The following CNTLN variants were observed in gnomAD, a reference collection of about 807,000 sequenced individuals.
CNTLN encodes the protein centlein, centrosomal protein.
In CNTLN, 212 loss-of-function variants were observed where a neutral mutation model predicts 180.0. The observed-to-expected ratio is 1.18, with a 90% CI of 1.05 to 1.32. The LOEUF (loss-of-function observed/expected upper bound fraction) is 1.32. CNTLN is among the 40% of genes most tolerant of loss of function. The pLI is 0.00. For missense variants in CNTLN, 2,095 were observed against 1,610.9 expected (o/e 1.30, Z -5.14); for synonymous variants, 722 against 563.1 (o/e 1.28, Z -3.99).
At chr9:17,222,756 T>G (rs1824226415) in intron 2 of CNTLN, among the ~76,000 whole-genome samples, 1 of 152,074 alleles carries the variant, frequency 6.6e-6, no homozygotes, top group Admixed American at 6.6e-5. Flanking sequence ...TTTGCAGCAT[T>G]TGGTATACTT....
intron 2 of CNTLN, among the ~76,000 whole-genome samples, chr9:17,172,848 C>A (rs773022684): frequency 2.2e-4 from 34 of 152,176 alleles, no homozygotes; most frequent in Non-Finnish European, 4.4e-4. Flanking sequence ...CTAGCCTTTA[C>A]ATCAAGGCCT....
chr9:17,484,974 A>C (rs1832824754), intron 24 of CNTLN, among the ~76,000 whole-genome samples: 1 of 152,150 alleles, frequency 6.6e-6, no homozygotes, highest in Non-Finnish European at 1.5e-5. Flanking sequence ...TATTGCTTAA[A>C]ATTGGTTAAA....
At chr9:17,203,354 C>G (rs1021654723) in intron 2 of CNTLN, among the ~76,000 whole-genome samples, 5 of 151,984 alleles carry the variant, frequency 3.3e-5, no homozygotes, top group Non-Finnish European at 5.9e-5. Flanking sequence ...GTGGTGTTCT[C>G]TATTTCCTGA....
At chr9:17,295,967 AGT>A (rs1817876657) in intron 6 of CNTLN, among the ~76,000 whole-genome samples, 1 of 115,802 alleles carries the variant, frequency 8.6e-6, no homozygotes, top group Admixed American at 9.1e-5. Flanking sequence ...CCTACTCTTC[AGT>A]GAGAGAGAGA....
At chr9:17,491,522 G>T (rs549734492) in intron 25 of CNTLN, among the ~76,000 whole-genome samples, 12 of 152,130 alleles carry the variant, frequency 7.9e-5, no homozygotes, top group Non-Finnish European at 1.5e-4. Flanking sequence ...CCCTTAGACA[G>T]GAATGGCTAG....
chr9:17,391,085 ACTGT>A (rs1455863220), intron 14 of CNTLN, among the ~76,000 whole-genome samples: 1 of 152,190 alleles, frequency 6.6e-6, no homozygotes, highest in Non-Finnish European at 1.5e-5. Context: ...CCCAGAGAAA[ACTGT>A]CTATTTATGT....
chr9:17,271,860 A>G (rs654521), intron 5 of CNTLN, among the ~76,000 whole-genome samples: 68,669 of 151,942 alleles, frequency 0.45, 16,232 homozygotes, highest in South Asian at 0.65. Context: ...TGGTTCCTCT[A>G]TGTCTACTCT....
intron 25 of CNTLN, among the ~76,000 whole-genome samples, chr9:17,499,457 T>A (rs7868005): frequency 0.042 from 6,428 of 152,246 alleles, 465 homozygotes; most frequent in African/African-American, 0.15. Flanking sequence ...TTGTGTACAA[T>A]CTATGAAAAA....
At chr9:17,361,690 G>C (rs1473861409) in intron 12 of CNTLN, among the ~76,000 whole-genome samples, 1 of 152,140 alleles carries the variant, frequency 6.6e-6, no homozygotes, top group Non-Finnish European at 1.5e-5. Flanking sequence ...AACTCAATGA[G>C]ACTGTCATGT....
At chr9:17,457,390 T>C (rs1306937245) in intron 18 of CNTLN, 134 bp from the exon 19 acceptor site, 2 of 508,456 alleles carry the variant, frequency 3.9e-6, no homozygotes, top group African/African-American at 4.0e-5. Flanking sequence ...TTGTAAAGTT[T>C]GTATAATAAC....
At chr9:17,297,838 CA>C (rs1818056915) in intron 6 of CNTLN, among the ~76,000 whole-genome samples, 1 of 152,108 alleles carries the variant, frequency 6.6e-6, no homozygotes, top group Non-Finnish European at 1.5e-5. Context: ...ACCCTTTGTT[CA>C]AAACTGTCTA....
intron 6 of CNTLN, among the ~76,000 whole-genome samples, chr9:17,292,613 C>G (rs1250986809): frequency 2.0e-5 from 3 of 152,034 alleles, no homozygotes; most frequent in African/African-American, 7.2e-5. Flanking sequence ...CTTATGGTTG[C>G]ATTGTGATGT....
At chr9:17,401,835 A>G (rs1239171497) in intron 15 of CNTLN, among the ~76,000 whole-genome samples, 3 of 151,918 alleles carry the variant, frequency 2.0e-5, no homozygotes, top group South Asian at 2.1e-4. Flanking sequence ...TTAAACATCT[A>G]TATAGTAACA....
intron 2 of CNTLN, among the ~76,000 whole-genome samples, chr9:17,146,667 C>G (rs1247991549): frequency 6.6e-6 from 1 of 152,120 alleles, no homozygotes. Context: ...GAGCTGTGAG[C>G]AATACATTTC....
chr9:17,453,968 G>A (rs368638381), intron 18 of CNTLN, among the ~76,000 whole-genome samples: 39 of 152,270 alleles, frequency 2.6e-4, no homozygotes, highest in Middle Eastern at 3.4e-3. Context: ...GATTAGGGAC[G>A]CTGACCCTAA....
At chr9:17,392,592 C>T (rs1020248561) in intron 14 of CNTLN, among the ~76,000 whole-genome samples, 2 of 152,048 alleles carry the variant, frequency 1.3e-5, no homozygotes, top group African/African-American at 4.8e-5. Context: ...TAGTTTGAGA[C>T]AAAATTTTTC....
chr9:17,386,615 A>G (rs926204780), intron 13 of CNTLN, among the ~76,000 whole-genome samples: 1 of 152,114 alleles, frequency 6.6e-6, no homozygotes, highest in African/African-American at 2.4e-5. Flanking sequence ...AGCGTTCTGT[A>G]TAAACCGGTG....
At chr9:17,245,995 C>T (rs1213477419) in intron 5 of CNTLN, among the ~76,000 whole-genome samples, 1 of 152,076 alleles carries the variant, frequency 6.6e-6, no homozygotes, top group Non-Finnish European at 1.5e-5. Context: ...AATTATCTGT[C>T]TGAAAGATCA....
intron 6 of CNTLN, among the ~76,000 whole-genome samples, chr9:17,294,811 T>G (rs1168812041): frequency 0.012 from 60 of 4,868 alleles, no homozygotes; most frequent in African/African-American, 0.023. Flanking sequence ...TGGGGGGGAG[T>G]GGGCGAAGGG....
Sources: gnomAD v4.1 joint callset for allele counts (sites outside exome capture counted in the v4.1 genomes callset) on GRCh38, gnomAD v4.1.1 for gene constraint, MANE v1.5 for transcripts, NCBI Gene and HGNC (gene_info 2026-07-23, HGNC 2026-07-21) for gene names.